The following WFDC1 variants were observed in gnomAD, a reference collection of about 807,000 sequenced individuals.
WFDC1 encodes the protein WAP four-disulfide core domain 1.
A neutral mutation model predicts 32.9 loss-of-function variants in WFDC1; 39 were observed. The ratio of observed to expected loss-of-function variants is 1.19; its 90% CI spans 0.92 to 1.55. WFDC1 has a LOEUF of 1.55. Among genes scored for constraint, WFDC1 ranks in the 40% most tolerant of loss-of-function variants. The pLI is 0.00. For synonymous variants in WFDC1, 184 were observed against 137.4 expected, an observed-to-expected ratio of 1.34 and a Z score of -2.37; for missense variants, 386 against 309.5, an observed-to-expected ratio of 1.25 and a Z score of -1.85.
chr16:84,310,678 C>T (rs546361071), intron 1 of WFDC1, among the ~76,000 whole-genome samples: 42 of 152,174 alleles, frequency 2.8e-4, no homozygotes, highest in Non-Finnish European at 4.9e-4. Context: ...ATATATGTTA[C>T]ATCTGTGTGC....
intron 1 of WFDC1, 43 bp downstream of exon 1, chr16:84,295,158 G>GCCCCTCAA (rs779806409): frequency 1.9e-6 from 3 of 1,604,984 alleles, no homozygotes; most frequent in Non-Finnish European, 2.6e-6. Context: ...CTGTGTGGGT[G>GCCCCTCAA]GGAGTCAGCC....
intron 1 of WFDC1, among the ~76,000 whole-genome samples, chr16:84,300,770 G>C (rs1906887324): frequency 6.6e-6 from 1 of 152,150 alleles, no homozygotes; most frequent in Non-Finnish European, 1.5e-5. Flanking sequence ...AGGAGTTCGA[G>C]ACCAGCCTGG....
chr16:84,295,365 T>G, intron 1 of WFDC1: 1 of 504,462 alleles, frequency 2.0e-6, no homozygotes, highest in Non-Finnish European at 3.5e-6. Context: ...CGTGCCTTAC[T>G]TTTGCCTTGT....
chr16:84,311,249 C>CT (rs58268746), intron 1 of WFDC1, among the ~76,000 whole-genome samples: 113,449 of 144,988 alleles, frequency 0.78, 44,923 homozygotes, highest in East Asian at 0.98. Context: ...AGTACTATAT[C>CT]TTTTTTTTTT....
intron 1 of WFDC1, among the ~76,000 whole-genome samples, chr16:84,303,294 G>A (rs1192347287): frequency 1.3e-5 from 2 of 152,064 alleles, no homozygotes; most frequent in Non-Finnish European, 1.5e-5. Flanking sequence ...TGGTCTGGCC[G>A]CTAAGCTGCT....
Position 84,319,467 on chromosome 16 carries a change from C to A in WFDC1, c.458C>A (p.Pro153His). The A allele has an allele frequency of 1.2e-6, 2 of 1,612,142 alleles. No homozygotes were observed. Among genetic ancestry groups the A allele is most frequent in the African/African-American group, 2.7e-5 (2 of 75,002 alleles). ...ACSTTEDGAE[P>H]LLCPSGYECH... The stretch of plus-strand genomic sequence containing the variant: ...AGCACCACGGAGGATGGGGCCGAAC[C>A]CCTGCTCTGTCCCTCGGGCTATGAG... The change falls in exon 4 of 7, where the codon CCC (proline) becomes CAC (histidine). Residue 153 changes from proline (P) to histidine (H), a missense_variant. Physicochemically the swap from Pro to His is moderately conservative, Grantham distance 77. Transcript: ENST00000219454.
rs1020271770 is a variant in WFDC1, at chr16:84,295,231, G to C, written c.144+116G>C. ...TAAGTGCTCCCCCAAAACGTGGCAA[G>C]GCAGGCGTCTTCCTATCCGTGTGTG... On this transcript the variant is annotated intron_variant, in intron 1 of 6. Coordinates refer to ENST00000219454, the MANE Select transcript of WFDC1 (RefSeq NM_021197.4). The C allele has an allele frequency of 7.3e-6, 10 of 1,370,380 alleles. No individual in the cohort carries two copies. In the Admixed American group the frequency reaches 1.1e-4, roughly 15 times the overall value. 84.9% of individuals were successfully genotyped at this position (1,370,380 alleles called of 1,614,324 possible). A position where few individuals can be genotyped will look rare whatever the true frequency, so the allele number is the denominator to read the frequency against.
chr16:84,322,818 T>G (rs1908386038), intron 4 of WFDC1, among the ~76,000 whole-genome samples: 1 of 152,132 alleles, frequency 6.6e-6, no homozygotes, highest in South Asian at 2.1e-4. Flanking sequence ...TTTTTCTGAG[T>G]AGGTTTGAGG....
At chr16:84,295,203 C>A (rs1372706912) in intron 1 of WFDC1, 88 bp downstream of exon 1, 9 of 1,520,332 alleles carry the variant, frequency 5.9e-6, no homozygotes, top group Non-Finnish European at 8.0e-6. Flanking sequence ...CTGCCTTCTC[C>A]TGTAAGTGCT....
chr16:84,302,336 C>G (rs1333905169), intron 1 of WFDC1, among the ~76,000 whole-genome samples: 1 of 152,186 alleles, frequency 6.6e-6, no homozygotes, highest in Non-Finnish European at 1.5e-5. Context: ...AACTCGCACA[C>G]TTAAGATGGC....
chr16:84,311,915 C>G (rs1907652575), intron 1 of WFDC1, among the ~76,000 whole-genome samples: 1 of 151,914 alleles, frequency 6.6e-6, no homozygotes, highest in Admixed American at 6.6e-5. Flanking sequence ...CCTGTAATCC[C>G]AGCACTTTGG....
chr16:84,308,061 T>C (rs1184264433), intron 1 of WFDC1, among the ~76,000 whole-genome samples: 1 of 152,226 alleles, frequency 6.6e-6, no homozygotes, highest in Non-Finnish European at 1.5e-5. Context: ...TTTCGTGAAT[T>C]TAACAGCCAA....
intron 2 of WFDC1, among the ~76,000 whole-genome samples, chr16:84,315,167 AG>A (rs1907874925): frequency 1.3e-5 from 2 of 152,174 alleles, no homozygotes; most frequent in Admixed American, 1.3e-4. Flanking sequence ...CTTCATTGCC[AG>A]GAATATCCTC....
At chr16:84,302,866 A>C (rs1907026435) in intron 1 of WFDC1, among the ~76,000 whole-genome samples, 1 of 152,112 alleles carries the variant, frequency 6.6e-6, no homozygotes, top group South Asian at 2.1e-4. Flanking sequence ...GGGAATTATG[A>C]ATTTACTGTT....
At chr16:84,312,843 C>A in intron 1 of WFDC1, 118 bp from the exon 2 acceptor site, 1 of 547,938 alleles carries the variant, frequency 1.8e-6, no homozygotes, top group Non-Finnish European at 2.4e-6. Flanking sequence ...CTGTTTCTCA[C>A]AAGAGGAAAC....
At chr16:84,298,507 G>C (rs1243971158) in intron 1 of WFDC1, among the ~76,000 whole-genome samples, 2 of 152,204 alleles carry the variant, frequency 1.3e-5, no homozygotes, top group East Asian at 3.8e-4. Context: ...ATGACCAGGA[G>C]AGAAGCTACT....
intron 3 of WFDC1, 94 bp from the exon 4 acceptor site, chr16:84,319,337 T>C: frequency 2.0e-6 from 3 of 1,524,040 alleles, no homozygotes; most frequent in Non-Finnish European, 2.7e-6. Flanking sequence ...GTGCGTTCCC[T>C]GCACCCGTCC....
intron 2 of WFDC1, chr16:84,317,314 A>C (rs1488150031): frequency 7.4e-6 from 1 of 135,160 alleles, no homozygotes; most frequent in Non-Finnish European, 1.6e-5. Context: ...ATAAATAAAT[A>C]AATAAATAAA....
chr16:84,308,549 G>A (rs1376152884), intron 1 of WFDC1, among the ~76,000 whole-genome samples: 1 of 152,242 alleles, frequency 6.6e-6, no homozygotes, highest in East Asian at 1.9e-4. Context: ...GCCAATTGAA[G>A]CTGATGGGAG....
Sources: allele counts gnomAD v4.1 joint callset (sites outside exome capture counted in the v4.1 genomes callset), GRCh38; gene constraint gnomAD v4.1.1; transcripts MANE v1.5; gene names NCBI Gene and HGNC (gene_info 2026-07-23, HGNC 2026-07-21).